CNTNAP5: variants seen among roughly 807,000 people sequenced by gnomAD.
CNTNAP5 encodes contactin-associated protein-like 5.
In CNTNAP5, 72 loss-of-function variants were observed where a neutral mutation model predicts 150.2. The ratio of observed to expected loss-of-function variants is 0.48; its 90% confidence interval spans 0.40 to 0.58. The LOEUF is 0.58. Ranked by LOEUF, CNTNAP5 falls within the 20% of genes least tolerant of loss-of-function variation. CNTNAP5 has a pLI of 0.00. For missense variants in CNTNAP5, 1,636 were observed against 1,626.2 expected (o/e 1.01, Z -0.10); for synonymous variants, 672 against 619.8 (o/e 1.08, Z -1.25).
intron 1 of CNTNAP5, among the ~76,000 whole-genome samples, chr2:124,041,275 A>G (rs1273585135): frequency 1.3e-5 from 2 of 152,208 alleles, no homozygotes; most frequent in East Asian, 3.9e-4. Flanking sequence ...GGCAAATTCA[A>G]TTTGACTTAT....
chr2:124,672,802 T>G (rs544428627), intron 13 of CNTNAP5, among the ~76,000 whole-genome samples: 1 of 152,260 alleles, frequency 6.6e-6, no homozygotes, highest in Non-Finnish European at 1.5e-5. Context: ...TAGGAAACTA[T>G]TTCAAGTGAC....
In CNTNAP5 at chr2:124,914,408, A is replaced by G. The variant is rs969633490; in HGVS notation, c.*120A>G. 6 of 752,406 alleles carry G rather than the reference A, an allele frequency of 8.0e-6. No individual in the cohort carries two copies. In the African/African-American group the frequency reaches 8.9e-5, roughly 11 times the overall value. 46.6% of individuals were successfully genotyped at this position (752,406 alleles called of 1,614,324 possible). On this transcript the variant is annotated 3_prime_UTR_variant, in exon 24 of 24. Transcript: ENST00000682447. ...TTTCTGCTTGCCATGTCTTTTCTGG[A>G]ACATACTTGCATCCACCACAGCATC...
At chr2:124,263,514 A>G (rs1167843382) in intron 3 of CNTNAP5, among the ~76,000 whole-genome samples, 1 of 151,780 alleles carries the variant, frequency 6.6e-6, no homozygotes, top group Non-Finnish European at 1.5e-5. Context: ...TTTCTTGTAA[A>G]TTTGTTTGAG....
chr2:124,093,558 G>A (rs563280864), intron 1 of CNTNAP5, among the ~76,000 whole-genome samples: 18 of 152,256 alleles, frequency 1.2e-4, no homozygotes, highest in East Asian at 3.9e-4. Context: ...TGTATGAGAC[G>A]ATGGGATCTT....
intron 3 of CNTNAP5, among the ~76,000 whole-genome samples, chr2:124,340,959 C>T (rs944688075): frequency 1.3e-5 from 2 of 149,834 alleles, no homozygotes; most frequent in Admixed American, 1.3e-4. Context: ...ACCTGTAGTC[C>T]CACCTACTCA....
intron 3 of CNTNAP5, among the ~76,000 whole-genome samples, chr2:124,391,783 G>A (rs992834902): frequency 6.7e-5 from 10 of 149,060 alleles, no homozygotes; most frequent in African/African-American, 2.3e-4. Flanking sequence ...GTGAGACCCC[G>A]TCTCTACTAA....
chr2:124,124,858 A>C (rs1230371801), intron 1 of CNTNAP5, among the ~76,000 whole-genome samples: 1 of 152,164 alleles, frequency 6.6e-6, no homozygotes, highest in Non-Finnish European at 1.5e-5. Context: ...CAGACAAACA[A>C]ATGCTGAGAG....
At chr2:124,175,359 A>AT (rs1387191259) in intron 1 of CNTNAP5, among the ~76,000 whole-genome samples, 1 of 152,186 alleles carries the variant, frequency 6.6e-6, no homozygotes, top group Non-Finnish European at 1.5e-5. Flanking sequence ...TAATTAATTT[A>AT]TTTTTAATGG....
intron 13 of CNTNAP5, among the ~76,000 whole-genome samples, chr2:124,677,261 C>T (rs530783020): frequency 6.6e-6 from 1 of 152,118 alleles, no homozygotes; most frequent in Non-Finnish European, 1.5e-5. Context: ...CTTTTTCCTC[C>T]CAGTGGGTTC....
At chr2:124,031,819 G>A (rs1681060113) in intron 1 of CNTNAP5, among the ~76,000 whole-genome samples, 1 of 151,934 alleles carries the variant, frequency 6.6e-6, no homozygotes, top group Admixed American at 6.6e-5. Flanking sequence ...TACTCAATGG[G>A]GCTTTATTAA....
intron 12 of CNTNAP5, among the ~76,000 whole-genome samples, chr2:124,620,945 G>A (rs917834869): frequency 6.6e-6 from 1 of 152,052 alleles, no homozygotes; most frequent in Non-Finnish European, 1.5e-5. Context: ...CTTTGCCAGC[G>A]ATAGAAATAG....
intron 1 of CNTNAP5, among the ~76,000 whole-genome samples, chr2:124,169,496 C>A: frequency 6.6e-6 from 1 of 152,266 alleles, no homozygotes; most frequent in Non-Finnish European, 1.5e-5. Flanking sequence ...TGAATAGAAA[C>A]CGCAAAGACT....
intron 13 of CNTNAP5, among the ~76,000 whole-genome samples, chr2:124,653,148 A>T (rs1178049429): frequency 1.3e-5 from 2 of 152,204 alleles, no homozygotes; most frequent in Non-Finnish European, 2.9e-5. Flanking sequence ...GTTAAAAGCC[A>T]TTCCTATTAA....
chr2:124,104,640 G>A (rs1683135934), intron 1 of CNTNAP5, among the ~76,000 whole-genome samples: 1 of 152,090 alleles, frequency 6.6e-6, no homozygotes, highest in Non-Finnish European at 1.5e-5. Flanking sequence ...GCAAAGTAAA[G>A]CACTTTCCTA....
chr2:124,107,134 GTTGTGCAGTGATTACCT>G (rs535448604), intron 1 of CNTNAP5, among the ~76,000 whole-genome samples: 1 of 152,290 alleles, frequency 6.6e-6, no homozygotes, highest in East Asian at 1.9e-4. Context: ...AGCTGGTGCT[GTTGTGCAGTGATTACCT>G]TTGTGGGTCT....
intron 4 of CNTNAP5, among the ~76,000 whole-genome samples, chr2:124,433,179 G>T (rs1386249156): frequency 2.0e-5 from 3 of 152,118 alleles, no homozygotes; most frequent in African/African-American, 7.2e-5. Context: ...CCCCACTTTG[G>T]TCTGGGTGGA....
At chr2:124,137,002 G>A (rs34125234) in intron 1 of CNTNAP5, among the ~76,000 whole-genome samples, 1 of 151,858 alleles carries the variant, frequency 6.6e-6, no homozygotes, top group African/African-American at 2.4e-5. Flanking sequence ...CTAGGCTGGA[G>A]GAGAAATTCC....
intron 14 of CNTNAP5, among the ~76,000 whole-genome samples, chr2:124,757,112 G>T (rs555836224): frequency 1.3e-5 from 2 of 152,240 alleles, no homozygotes; most frequent in African/African-American, 4.8e-5. Context: ...GCTGCTGTCT[G>T]AAAGTTTATT....
intron 1 of CNTNAP5, among the ~76,000 whole-genome samples, chr2:124,145,812 T>TAAAAAAAAAAAAAAAAACAAAA: frequency 1.6e-5 from 1 of 64,196 alleles, no homozygotes; most frequent in Non-Finnish European, 2.6e-5. Flanking sequence ...AAAAAAACAT[T>TAAAAAAAAAAAAAAAAACAAAA]AAAAAAAAAA....
Sources: gnomAD v4.1 joint callset for allele counts (sites outside exome capture counted in the v4.1 genomes callset) on GRCh38, gnomAD v4.1.1 for gene constraint, MANE v1.5 for transcripts, NCBI Gene and HGNC (gene_info 2026-07-23, HGNC 2026-07-21) for gene names.